The following HNRNPA1 variants were observed in gnomAD, a reference collection of about 807,000 sequenced individuals.
HNRNPA1 encodes the protein heterogeneous nuclear ribonucleoprotein A1, also known as epididymis secretory sperm binding protein.
Under a neutral mutation model 44.4 loss-of-function variants are expected in HNRNPA1, and 7 were observed. That is an observed-to-expected ratio of 0.16 (90% CI 0.09 to 0.30). The LOEUF is 0.30. HNRNPA1 is among the 10% of genes least tolerant of loss of function. The pLI, the probability that HNRNPA1 is intolerant of heterozygous loss-of-function variation, is 1.00. For synonymous variants in HNRNPA1, 169 were observed against 160.6 expected, an observed-to-expected ratio of 1.05 and a Z score of -0.40; for missense variants, 193 against 465.8, an observed-to-expected ratio of 0.41 and a Z score of 5.39.
chr12:54,281,649 G>A, intron 2 of HNRNPA1, 146 bp from the exon 3 acceptor site: 1 of 1,041,336 alleles, frequency 9.6e-7, no homozygotes, highest in Non-Finnish European at 1.4e-6. Context: ...GATTTTAAAA[G>A]CTACCTCTTA....
intron 9 of HNRNPA1, 122 bp from the exon 10 acceptor site, chr12:54,284,136 C>T: frequency 8.0e-7 from 1 of 1,253,544 alleles, no homozygotes; most frequent in Non-Finnish European, 1.1e-6. Flanking sequence ...CTCTTTACCA[C>T]CTCCCTTGTA....
rs373526418 is a variant in HNRNPA1, at chr12:54,283,793, C to T, written c.908-19C>T. 230 of 1,611,710 alleles carry T rather than the reference C, an allele frequency of 1.4e-4. No individual in the cohort carries two copies. The highest frequency in any genetic ancestry group is 8.3e-4 in the Middle Eastern group (5 of 6,056). The stretch of plus-strand genomic sequence containing the variant: ...ATCATCCTCAGGTAACAGATAAAGG[C>T]CCTCTTTCCCATTCATAGGAAGCAA... On this transcript the variant is annotated intron_variant, in intron 8 of 10. Coordinates refer to ENST00000340913, the MANE Select transcript of HNRNPA1 (RefSeq NM_031157.4).
chr12:54,284,349 A>G, intron 10 of HNRNPA1, 32 bp downstream of exon 10: 14 of 1,583,272 alleles, frequency 8.8e-6, no homozygotes, highest in Non-Finnish European at 1.2e-5. Flanking sequence ...TGTTGACATA[A>G]TTTTTTAAAT....
At position 54,285,947 on chromosome 12, in the gene HNRNPA1, A is replaced by G. The variant is rs1944257805; in HGVS notation, c.*1403A>G. 1 of 152,122 alleles carries G rather than the reference A, an allele frequency of 6.6e-6. No individual in the cohort carries two copies. Among genetic ancestry groups the G allele is most frequent in the Non-Finnish European group, 1.5e-5 (1 of 68,030 alleles). The allele number at this position is 152,122 out of a possible 1,614,324, so 9.4% of individuals were successfully genotyped here. A position where few individuals can be genotyped will look rare whatever the true frequency, so the allele number is the denominator to read the frequency against. On this transcript the variant is annotated 3_prime_UTR_variant, in exon 11 of 11. Transcript: ENST00000340913. Reference sequence around the variant, plus strand: ...TTCCATGATACTGGCTGAGTTTGCAATAGCAGGTGGAACCCTAACTATTGA... The same window carrying G: ...TTCCATGATACTGGCTGAGTTTGCAGTAGCAGGTGGAACCCTAACTATTGA...
intron 1 of HNRNPA1, chr12:54,281,177 A>G (rs957535886): frequency 1.4e-6 from 1 of 699,506 alleles, no homozygotes; most frequent in African/African-American, 1.8e-5. Flanking sequence ...CGTGCGTCGG[A>G]AGGCGACTAG....
At chr12:54,284,024 G>A in intron 9 of HNRNPA1, 57 bp downstream of exon 9, 5 of 1,579,122 alleles carry the variant, frequency 3.2e-6, no homozygotes, top group Non-Finnish European at 4.3e-6. Context: ...GCTACTGCTG[G>A]GAAGAAAGCC....
Position 54,281,790 on chromosome 12 carries a change from C to T in HNRNPA1, c.133-5C>T, listed in dbSNP as rs1944177376. The T allele has an allele frequency of 6.2e-7, 1 of 1,610,108 alleles. No individual in the cohort carries two copies. The highest frequency in any genetic ancestry group is 8.5e-7 in the Non-Finnish European group (1 of 1,179,032). Reference sequence around the variant, plus strand: ...TTGTGTTACATAAATTAACACTGTTCTCAGGTAATGAGAGATCCAAACACC... The same window carrying T: ...TTGTGTTACATAAATTAACACTGTTTTCAGGTAATGAGAGATCCAAACACC... On this transcript the variant is annotated splice_polypyrimidine_tract_variant and splice_region_variant and intron_variant, in intron 2 of 10. Coordinates refer to ENST00000340913, the MANE Select transcript of HNRNPA1 (RefSeq NM_031157.4).
Position 54,282,826 on chromosome 12 carries a change from G to A in HNRNPA1, c.703G>A (p.Gly235Ser), listed in dbSNP as rs770353415. Residue 235 changes from glycine (G) to serine (S), a missense_variant, in exon 7 of 11, where the codon GGT becomes AGT. Gly to Ser is a moderately conservative substitution (Grantham distance 56). Coordinates refer to ENST00000340913, the MANE Select transcript of HNRNPA1 (RefSeq NM_031157.4). ...TGGCTTTGGTGGCAGCCGTGGTGGT[G>A]GTGGATATGGTGGCAGTGGGGATGG... Reference protein sequence around the residue: ...RGGFGGSRGGGGYGGSGDGYN... With the variant: ...RGGFGGSRGGSGYGGSGDGYN... The A allele has an allele frequency of 1.9e-5, 30 of 1,551,574 alleles. No homozygotes were observed. The highest frequency in any genetic ancestry group is 1.5e-4 in the East Asian group (6 of 40,944).
Position 54,281,478 on chromosome 12 carries a change from A to G in HNRNPA1, c.108A>G (p.Gln36=), listed in dbSNP as rs28758594. 3 of 1,609,392 alleles carry G rather than the reference A, an allele frequency of 1.9e-6. No individual in the cohort carries two copies. The African/African-American group carries it at 4.0e-5, about 22-fold the overall frequency. Residue 36 remains glutamine, a synonymous_variant, in exon 2 of 11, where the codon CAA becomes CAG. Transcript: ENST00000340913. ...AGAGCCTGAGGAGCCATTTTGAGCAATGGGGAACGCTCACGGACTGTGTGG... is the reference window on the plus strand; with the variant it reads ...AGAGCCTGAGGAGCCATTTTGAGCAGTGGGGAACGCTCACGGACTGTGTGG... ...TDESLRSHFE[Q]WGTLTDCVVM...
chr12:54,284,063 CG>C (rs1245586562), intron 9 of HNRNPA1, 96 bp downstream of exon 9: 10 of 1,442,254 alleles, frequency 6.9e-6, no homozygotes, highest in Non-Finnish European at 8.5e-6. Context: ...GGCAGCAAAA[CG>C]TTTATAGTTT....
rs577327681 is a variant in HNRNPA1 at position 54,283,280 on chromosome 12, C to G, written c.907+46C>G. ...GTACTTGGTGTGACAGCTAGATTAG[C>G]CTTTTAGAGCTTGGGTTCTGGTGCT... On this transcript the variant is annotated intron_variant, in intron 8 of 10. Transcript: ENST00000340913. 3 of 1,591,788 alleles carry G rather than the reference C, an allele frequency of 1.9e-6. No homozygotes were observed. In the Admixed American group the frequency reaches 5.4e-5, roughly 28 times the overall value.
In HNRNPA1 at chr12:54,285,702, A is replaced by C. The variant is rs534640891; in HGVS notation, c.*1158A>C. ...TATAGAAAATGATTTCTAAACCTTT[A>C]ACAGTTAATATCCAATAATGTGTTA... On this transcript the variant is annotated 3_prime_UTR_variant, in exon 11 of 11. Transcript: ENST00000340913. 6.6e-6 allele frequency: 1 copy of C among 152,176 alleles called. No individual in the cohort carries two copies. Among genetic ancestry groups the C allele is most frequent in the African/African-American group, 2.4e-5 (1 of 41,428 alleles). The allele number at this position is 152,176 out of a possible 1,614,324, so 9.4% of individuals were successfully genotyped here.
rs762012497 is a variant in HNRNPA1 at position 54,280,837 on chromosome 12, C to CTT, written c.15+17_15+18dup. On this transcript the variant is annotated intron_variant, in intron 1 of 10. Coordinates refer to ENST00000340913, the MANE Select transcript of HNRNPA1 (RefSeq NM_031157.4). ...CTAAGTCAGAGGTGAGTTAGGCGCG[C>CTT]TTTCCCACTTGAATTTTTTCCTCTC... 2 of 1,614,090 alleles carry CTT rather than the reference C, an allele frequency of 1.2e-6. No homozygotes were observed. Among genetic ancestry groups the CTT allele is most frequent in the Non-Finnish European group, 8.5e-7 (1 of 1,179,916 alleles).
chr12:54,281,391 T>C lies in HNRNPA1; in HGVS notation c.21T>C (p.Pro7=). 6.3e-7 allele frequency: 1 copy of C among 1,580,692 alleles called. No individual in the cohort carries two copies. The highest frequency in any genetic ancestry group is 2.2e-5 in the East Asian group (1 of 44,728). Residue 7 remains proline (P), a synonymous_variant, in exon 2 of 11, where the codon CCT becomes CCC. Transcript: ENST00000340913. MSKSES[P]KEPEQLRKLF... ...TCCCCCTCCCCCCACTCTAGTCTCC[T>C]AAAGAGCCCGAACAGCTGAGGAAGC... is the stretch of plus-strand genomic sequence containing the variant.
At chr12:54,284,055 C>T in intron 9 of HNRNPA1, 88 bp downstream of exon 9, 3 of 1,465,260 alleles carry the variant, frequency 2.0e-6, no homozygotes, top group Non-Finnish European at 2.8e-6. Context: ...TATGTCTGGG[C>T]AGCAAAACGT....
At chr12:54,281,325 C>T (rs867635081) in intron 1 of HNRNPA1, 61 bp from the exon 2 acceptor site, 30 of 937,812 alleles carry the variant, frequency 3.2e-5, no homozygotes, top group Admixed American at 1.7e-4. Flanking sequence ...TTTTTCTTTT[C>T]CTCGATGGAA....
chr12:54,280,960 T>C, intron 1 of HNRNPA1, 138 bp downstream of exon 1: 1 of 929,238 alleles, frequency 1.1e-6, no homozygotes, highest in Non-Finnish European at 1.8e-6. Context: ...CCTCCCAAAG[T>C]TCAAGTCGCC....
intron 8 of HNRNPA1, among the ~76,000 whole-genome samples, chr12:54,283,477 C>T (rs908357700): frequency 1.6e-4 from 24 of 152,122 alleles, no homozygotes; most frequent in Admixed American, 6.6e-5. Context: ...ATTTTAACTC[C>T]TTTGGGACCT....
Position 54,281,792 on chromosome 12 carries a change from C to A in HNRNPA1, c.133-3C>A. On this transcript the variant is annotated splice_polypyrimidine_tract_variant and splice_region_variant and intron_variant, in intron 2 of 10. Coordinates refer to ENST00000340913, the MANE Select transcript of HNRNPA1 (RefSeq NM_031157.4). Reference sequence around the variant, plus strand: ...GTGTTACATAAATTAACACTGTTCTCAGGTAATGAGAGATCCAAACACCAA... The same window carrying A: ...GTGTTACATAAATTAACACTGTTCTAAGGTAATGAGAGATCCAAACACCAA... 1.2e-6 allele frequency: 2 copies of A among 1,609,934 alleles called. No individual in the cohort carries two copies. The highest frequency in any genetic ancestry group is 8.5e-7 in the Non-Finnish European group (1 of 1,179,022).
Sources: allele counts gnomAD v4.1 joint callset (sites outside exome capture counted in the v4.1 genomes callset), GRCh38; gene constraint gnomAD v4.1.1; transcripts MANE v1.5; gene names NCBI Gene and HGNC (gene_info 2026-07-23, HGNC 2026-07-21).